GPC6: variants seen among roughly 807,000 people sequenced by gnomAD.
GPC6 encodes glypican-6.
Under a neutral mutation model 55.2 loss-of-function variants are expected in GPC6, and 14 were observed. The ratio of observed to expected loss-of-function variants is 0.25; its 90% CI spans 0.17 to 0.40. The LOEUF is 0.40. GPC6 is among the 10% of genes least tolerant of loss of function. The pLI is 1.00. For synonymous variants in GPC6, 278 were observed against 259.6 expected, an observed-to-expected ratio of 1.07 and a Z score of -0.68; for missense variants, 641 against 708.5, an observed-to-expected ratio of 0.90 and a Z score of 1.08.
intron 3 of GPC6, among the ~76,000 whole-genome samples, chr13:93,894,915 A>G (rs1427579050): frequency 2.0e-5 from 3 of 151,978 alleles, no homozygotes; most frequent in Non-Finnish European, 4.4e-5. Flanking sequence ...TGATAATATT[A>G]TTCTGAAATA....
intron 1 of GPC6, among the ~76,000 whole-genome samples, chr13:93,303,157 GC>G (rs1377999567): frequency 1.3e-5 from 2 of 152,048 alleles, no homozygotes; most frequent in Non-Finnish European, 2.9e-5. Flanking sequence ...CTTCAATGGA[GC>G]CCCAGAACCA....
chr13:93,734,592 C>CCAA, intron 2 of GPC6, among the ~76,000 whole-genome samples: 1 of 152,128 alleles, frequency 6.6e-6, no homozygotes, highest in East Asian at 1.9e-4. Context: ...GACATTTTTA[C>CCAA]CAACTTATTA....
At chr13:93,604,382 A>G (rs932981144) in intron 2 of GPC6, among the ~76,000 whole-genome samples, 13 of 152,148 alleles carry the variant, frequency 8.5e-5, no homozygotes, top group African/African-American at 3.1e-4. Context: ...TTCGATGAGG[A>G]AGGCCTTGCT....
intron 1 of GPC6, among the ~76,000 whole-genome samples, chr13:93,429,024 T>A (rs1877256762): frequency 6.6e-6 from 1 of 152,104 alleles, no homozygotes; most frequent in African/African-American, 2.4e-5. Flanking sequence ...CATCCCAGAA[T>A]TCTTCATTAA....
chr13:93,539,702 T>TTG lies in GPC6; in HGVS notation c.161-5560_161-5559insGT, dbSNP rs1271406858. ...AGAGGAAGTGCTTGGTACTTTTTTT[T>TTG]TTTTTTGAGACAGGGTTTTGCTCTT... On this transcript the variant is annotated intron_variant, in intron 1 of 8. Transcript: ENST00000377047. Among the ~76,000 whole-genome samples the TTG allele has an allele frequency of 7.3e-5, 11 of 151,392 alleles. No individual in the cohort carries two copies. The East Asian group carries it at 2.1e-3, about 29-fold the overall frequency.
intron 1 of GPC6, among the ~76,000 whole-genome samples, chr13:93,405,523 G>A (rs1876253729): frequency 6.6e-6 from 1 of 152,124 alleles, no homozygotes; most frequent in Non-Finnish European, 1.5e-5. Flanking sequence ...AGTTTCTAAT[G>A]TAATGCTTTT....
intron 6 of GPC6, among the ~76,000 whole-genome samples, chr13:94,316,590 G>A (rs1001214573): frequency 2.7e-5 from 4 of 150,774 alleles, no homozygotes; most frequent in African/African-American, 4.9e-5. Flanking sequence ...AGTGGCGGGC[G>A]CCTGTAGTCC....
In GPC6 at chr13:94,297,482, G is replaced by C. The variant is rs746504277; in HGVS notation, c.1009-8498G>C. Among the ~76,000 whole-genome samples the C allele has an allele frequency of 3.3e-5, 5 of 152,138 alleles. No individual in the cohort carries two copies. The South Asian group carries it at 1.0e-3, about 32-fold the overall frequency. ...CACACTCAAAAATTTGCTTTGTAAA[G>C]TTCCTTGTAACTCCTCCTTCCTCAC... On this transcript the variant is annotated intron_variant, in intron 5 of 8. Transcript: ENST00000377047.
At chr13:93,972,893 GTC>G (rs1454029418) in intron 3 of GPC6, among the ~76,000 whole-genome samples, 1 of 150,988 alleles carries the variant, frequency 6.6e-6, no homozygotes, top group East Asian at 2.0e-4. Flanking sequence ...CATGGTGTCT[GTC>G]TCTCTCTTTC....
chr13:93,558,519 G>C (rs998140487), intron 2 of GPC6, among the ~76,000 whole-genome samples: 1 of 152,158 alleles, frequency 6.6e-6, no homozygotes, highest in African/African-American at 2.4e-5. Flanking sequence ...AGGATTGAAG[G>C]CATGGAGATG....
intron 4 of GPC6, among the ~76,000 whole-genome samples, chr13:94,256,519 A>G (rs147256597): frequency 3.9e-5 from 6 of 152,246 alleles, no homozygotes; most frequent in Non-Finnish European, 7.4e-5. Flanking sequence ...TGTCATCTCA[A>G]TGTATGGCAT....
intron 2 of GPC6, among the ~76,000 whole-genome samples, chr13:93,759,193 G>A (rs538940822): frequency 4.5e-4 from 68 of 152,152 alleles, no homozygotes; most frequent in African/African-American, 1.6e-3. Context: ...ACACTTCTCT[G>A]GCTACATCAT....
intron 3 of GPC6, among the ~76,000 whole-genome samples, chr13:93,980,592 C>A (rs1880756669): frequency 6.6e-6 from 1 of 152,162 alleles, no homozygotes; most frequent in African/African-American, 2.4e-5. Flanking sequence ...CCACACCTTT[C>A]TCTGAAAGAT....
intron 2 of GPC6, among the ~76,000 whole-genome samples, chr13:93,662,864 A>T (rs2139615326): frequency 6.6e-6 from 1 of 152,172 alleles, no homozygotes; most frequent in Non-Finnish European, 1.5e-5. Context: ...TAAAACAACA[A>T]CAAAAAACAA....
intron 4 of GPC6, among the ~76,000 whole-genome samples, chr13:94,185,015 A>C (rs888888449): frequency 6.6e-6 from 1 of 152,196 alleles, no homozygotes; most frequent in Admixed American, 6.5e-5. Flanking sequence ...GGTGGAGGAC[A>C]TAATCCAAAT....
chr13:94,081,081 T>G (rs1346551979), intron 4 of GPC6, among the ~76,000 whole-genome samples: 5 of 152,196 alleles, frequency 3.3e-5, no homozygotes, highest in African/African-American at 9.6e-5. Context: ...GGAAAAGTGT[T>G]AACCTGGAAG....
chr13:93,281,019 GT>G (rs1369970704), intron 1 of GPC6, among the ~76,000 whole-genome samples: 2 of 152,184 alleles, frequency 1.3e-5, no homozygotes, highest in Non-Finnish European at 2.9e-5. Context: ...AGGTCCAAGG[GT>G]TGGGGACCCC....
intron 3 of GPC6, among the ~76,000 whole-genome samples, chr13:94,014,956 T>A (rs1277977834): frequency 6.6e-6 from 1 of 152,232 alleles, no homozygotes; most frequent in East Asian, 1.9e-4. Flanking sequence ...ATATTTGGAT[T>A]GTTTCCAGTT....
intron 4 of GPC6, among the ~76,000 whole-genome samples, chr13:94,253,956 A>C (rs1891431642): frequency 6.6e-6 from 1 of 152,080 alleles, no homozygotes; most frequent in Non-Finnish European, 1.5e-5. Flanking sequence ...TAGCACACAG[A>C]TTGATGTATT....
Sources: gnomAD v4.1 joint callset for allele counts (sites outside exome capture counted in the v4.1 genomes callset) on GRCh38, gnomAD v4.1.1 for gene constraint, MANE v1.5 for transcripts, NCBI Gene and HGNC (gene_info 2026-07-23, HGNC 2026-07-21) for gene names.